Variants in ZNF385D observed in about 807,000 individuals in gnomAD.
The protein encoded by ZNF385D is zinc finger protein 385D.
Under a neutral mutation model 35.8 loss-of-function variants are expected in ZNF385D, and 15 were observed. The observed-to-expected ratio is 0.42, with a 90% CI of 0.28 to 0.64. ZNF385D has a LOEUF of 0.64. ZNF385D is among the 30% of genes least tolerant of loss of function. The pLI is 0.23. For missense variants in ZNF385D, 474 were observed against 494.6 expected, an observed-to-expected ratio of 0.96 and a Z score of 0.39; for synonymous variants, 212 against 186.8, an observed-to-expected ratio of 1.13 and a Z score of -1.10.
chr3:21,443,367 G>A (rs1343976888), intron 4 of ZNF385D: 1 of 984,708 alleles, frequency 1.0e-6, no homozygotes, highest in Non-Finnish European at 1.2e-6. Context: ...TACATATTTA[G>A]ATATATGGCA....
intron 1 of ZNF385D, among the ~76,000 whole-genome samples, chr3:21,708,645 T>C (rs1291707075): frequency 6.6e-6 from 1 of 152,228 alleles, no homozygotes; most frequent in African/African-American, 2.4e-5. Context: ...TTTACAGATT[T>C]TTTGTATTCA....
chr3:22,081,430 T>A (rs141383505), intron 3 of ZNF385D, among the ~76,000 whole-genome samples: 2 of 152,308 alleles, frequency 1.3e-5, no homozygotes, highest in African/African-American at 2.4e-5. Context: ...AACACACATA[T>A]ACTGTAAGCA....
At chr3:22,216,110 G>C (rs560304413) in intron 2 of ZNF385D, among the ~76,000 whole-genome samples, 34 of 152,004 alleles carry the variant, frequency 2.2e-4, no homozygotes, top group African/African-American at 8.2e-4. Flanking sequence ...ACTTGTCTCT[G>C]TTAGTCCTTA....
In ZNF385D at chr3:21,834,372, T is replaced by C. The variant is rs113962546; in HGVS notation, c.326-169344A>G. On this transcript the variant is annotated intron_variant, in intron 3 of 5. Transcript: ENST00000494108. Reference sequence around the variant, plus strand: ...GCCACAATTTGACCAAGGAAACCATTTGTTCAAGCCTTCTTAGAAAGTTCT... The same window carrying C: ...GCCACAATTTGACCAAGGAAACCATCTGTTCAAGCCTTCTTAGAAAGTTCT... Among the ~76,000 whole-genome samples the C allele has an allele frequency of 7.4e-3, 1,122 of 152,280 alleles. 14 individuals carry two copies. Among genetic ancestry groups the C allele is most frequent in the African/African-American group, 0.025 (1,050 of 41,584 alleles).
chr3:22,066,312 G>GTGTA (rs1699945880), intron 3 of ZNF385D, among the ~76,000 whole-genome samples: 1 of 95,946 alleles, frequency 1.0e-5, no homozygotes, highest in South Asian at 3.0e-4. Context: ...AGGAGTGTGT[G>GTGTA]TGTGTGTATG....
intron 3 of ZNF385D, among the ~76,000 whole-genome samples, chr3:21,871,378 C>G (rs201418584): frequency 6.6e-6 from 1 of 152,096 alleles, no homozygotes; most frequent in East Asian, 1.9e-4. Flanking sequence ...ATAGCACTTG[C>G]AACTACCCGA....
chr3:21,702,414 G>A (rs553081352), intron 1 of ZNF385D, among the ~76,000 whole-genome samples: 11 of 152,286 alleles, frequency 7.2e-5, no homozygotes, highest in African/African-American at 9.6e-5. Context: ...CCCTGGGCCC[G>A]GCCCATGAAA....
At chr3:21,883,365 A>G (rs879829897) in intron 3 of ZNF385D, among the ~76,000 whole-genome samples, 1 of 152,068 alleles carries the variant, frequency 6.6e-6, no homozygotes, top group Non-Finnish European at 1.5e-5. Context: ...ATAAAACTAA[A>G]TGATTTTTCT....
intron 3 of ZNF385D, chr3:21,942,603 A>T (rs1374380981): frequency 2.0e-5 from 3 of 152,206 alleles, no homozygotes; most frequent in Non-Finnish European, 4.4e-5. Flanking sequence ...GGCATCTGTG[A>T]TGAAGTGCTG....
chr3:21,490,229 A>G (rs1705328822), intron 4 of ZNF385D, among the ~76,000 whole-genome samples: 1 of 152,026 alleles, frequency 6.6e-6, no homozygotes, highest in Non-Finnish European at 1.5e-5. Context: ...GCAGTGGTGC[A>G]ATCATAGCTC....
At chr3:21,663,317 A>G (rs1276696658) in intron 2 of ZNF385D, among the ~76,000 whole-genome samples, 1 of 152,162 alleles carries the variant, frequency 6.6e-6, no homozygotes, top group Non-Finnish European at 1.5e-5. Context: ...TTTGTTATTA[A>G]TATTTCCCAA....
At chr3:21,916,204 TAATTA>T (rs1477273183) in intron 3 of ZNF385D, among the ~76,000 whole-genome samples, 10 of 152,272 alleles carry the variant, frequency 6.6e-5, no homozygotes, top group Admixed American at 5.2e-4. Flanking sequence ...TGGAAATATA[TAATTA>T]AAATAAAGAG....
At chr3:22,145,067 C>T (rs1704766758) in intron 3 of ZNF385D, among the ~76,000 whole-genome samples, 1 of 151,024 alleles carries the variant, frequency 6.6e-6, no homozygotes, top group South Asian at 2.1e-4. Flanking sequence ...AGTGATACTA[C>T]ATACTTATCA....
rs910222160 is a variant in ZNF385D at position 21,771,125 on chromosome 3, G to C, written c.326-106097C>G. Among the ~76,000 whole-genome samples the C allele has an allele frequency of 8.6e-5, 13 of 151,604 alleles. No individual in the cohort carries two copies. The South Asian group carries it at 2.7e-3, about 32-fold the overall frequency. On this transcript the variant is annotated intron_variant, in intron 3 of 5. Coordinates refer to the ZNF385D transcript ENST00000494108. ...GGAGGGGAGAGGGATAGCATTAGGA[G>C]ATATACCTAATGTAAATGACGAGTT...
At chr3:21,546,501 TCAGTTCCA>T (rs1348980587) in intron 3 of ZNF385D, among the ~76,000 whole-genome samples, 2 of 152,048 alleles carry the variant, frequency 1.3e-5, no homozygotes, top group African/African-American at 2.4e-5. Flanking sequence ...GGAGGAGGAC[TCAGTTCCA>T]CAGTTTCACC....
intron 2 of ZNF385D, among the ~76,000 whole-genome samples, chr3:22,216,158 A>G (rs369533255): frequency 6.6e-6 from 1 of 152,046 alleles, no homozygotes; most frequent in Non-Finnish European, 1.5e-5. Context: ...ATATTTCAGG[A>G]AAGTCTGACT....
intron 1 of ZNF385D, among the ~76,000 whole-genome samples, chr3:21,677,712 C>T (rs1204718789): frequency 6.6e-6 from 1 of 151,754 alleles, no homozygotes; most frequent in East Asian, 1.9e-4. Context: ...TAATAATAAC[C>T]AGTAAAATAA....
At position 22,250,919 on chromosome 3, in the gene ZNF385D, A is replaced by C. The variant is rs183898087; in HGVS notation, c.107-81884T>G. ...CAAGAACTTTATTAATGAGGACTTG[A>C]GAATCGACCAAATGTTTCAGTAGAG... On this transcript the variant is annotated intron_variant, in intron 2 of 5. Transcript: ENST00000494108. 2.8e-3 allele frequency among the ~76,000 whole-genome samples: 430 copies of C among 152,190 alleles called. 9 individuals are homozygous for C. The highest frequency in any genetic ancestry group is 6.0e-4 in the Non-Finnish European group (41 of 68,006).
At chr3:21,594,242 C>A (rs561813500) in intron 2 of ZNF385D, among the ~76,000 whole-genome samples, 1 of 152,260 alleles carries the variant, frequency 6.6e-6, no homozygotes, top group South Asian at 2.1e-4. Flanking sequence ...TTTGCAGTAT[C>A]CATTTGTTCT....
Sources: allele counts gnomAD v4.1 joint callset (sites outside exome capture counted in the v4.1 genomes callset), GRCh38; gene constraint gnomAD v4.1.1; transcripts MANE v1.5; gene names NCBI Gene and HGNC (gene_info 2026-07-23, HGNC 2026-07-21).